BSN: variants seen among roughly 807,000 people sequenced by gnomAD.
The protein encoded by BSN is bassoon presynaptic cytomatrix protein.
Under a neutral mutation model 264.8 loss-of-function variants are expected in BSN, and 57 were observed. That is an observed-to-expected ratio of 0.22 (90% CI 0.17 to 0.27). The LOEUF (loss-of-function observed/expected upper bound fraction) is 0.27. BSN is among the 10% of genes least tolerant of loss of function. BSN has a pLI of 1.00. For synonymous variants in BSN, 2,059 were observed against 2,137.3 expected, an observed-to-expected ratio of 0.96 and a Z score of 1.01; for missense variants, 4,615 against 5,232.5, an observed-to-expected ratio of 0.88 and a Z score of 3.64.
In BSN at chr3:49,664,485, G is replaced by A. The variant is rs760457608; in HGVS notation, c.11671G>A (p.Asp3891Asn). The A allele has an allele frequency of 1.8e-5, 29 of 1,612,998 alleles. No individual in the cohort carries two copies. Among genetic ancestry groups the A allele is most frequent in the Middle Eastern group, 1.6e-4 (1 of 6,068 alleles). Residue 3891 changes from aspartate to asparagine, a missense_variant, in exon 9 of 12, where the codon GAT becomes AAT. Transcript: ENST00000296452. ...GGCTCCCGCCGGCCAGCCAGGTGCC[G>A]ATGGGGAGAGCGTGTTCTCCAAGAT... ...PGAPAGQPGADGESVFSKILP... is the reference protein window; with the variant it reads ...PGAPAGQPGANGESVFSKILP...
Position 49,657,380 on chromosome 3 carries a change from T to C in BSN, c.7824T>C (p.Ala2608=), listed in dbSNP as rs529516968. Residue 2608 remains alanine (A), a synonymous_variant, in exon 5 of 12, where the codon GCT becomes GCC. Coordinates refer to ENST00000296452, the MANE Select transcript of BSN (RefSeq NM_003458.4). ...GGCGACGCCGGGCACGGCGGAGTGC[T>C]GACTGCAGTGTGCAGACGGACGACG... The part of the protein sequence containing the change: ...LSRRRRARRS[A]DCSVQTDDED... 23 of 1,613,252 alleles carry C rather than the reference T, an allele frequency of 1.4e-5. No individual in the cohort carries two copies. In the Admixed American group the frequency reaches 3.0e-4, roughly 21 times the overall value.
At chr3:49,639,869 G>A (rs1414293928) in intron 2 of BSN, among the ~76,000 whole-genome samples, 4 of 152,234 alleles carry the variant, frequency 2.6e-5, no homozygotes, top group Non-Finnish European at 5.9e-5. Context: ...CTGTGAACAT[G>A]CCCTATGTGG....
intron 1 of BSN, 146 bp downstream of exon 1, chr3:49,554,972 G>A: frequency 2.1e-6 from 1 of 468,478 alleles, no homozygotes; most frequent in Non-Finnish European, 3.3e-6. Context: ...GAACTGGGTG[G>A]TCGCGGGAAG....
chr3:49,653,827 C>A lies in BSN; in HGVS notation c.4271C>A (p.Thr1424Asn). 2.5e-6 allele frequency: 4 copies of A among 1,614,174 alleles called. No individual in the cohort carries two copies. Among genetic ancestry groups the A allele is most frequent in the Non-Finnish European group, 3.4e-6 (4 of 1,180,038 alleles). ...STAHSYGHSP[T>N]TANYGSQTED... ...GCCCACAGCTATGGACACAGCCCAACCACTGCAAACTATGGGTCCCAAACT... is the reference window on the plus strand; with the variant it reads ...GCCCACAGCTATGGACACAGCCCAAACACTGCAAACTATGGGTCCCAAACT... Residue 1424 changes from threonine to asparagine, a missense_variant, in exon 5 of 12, where the codon ACC (threonine) becomes AAC (asparagine). By Grantham distance (65) the Thr-to-Asn change is moderately conservative. Transcript: ENST00000296452. This position sits in a 1 kb window ranked among gnomAD's most constrained non-coding sequence, Gnocchi z 6.3.
At position 49,661,391 on chromosome 3, in the gene BSN, C is replaced by T. The variant is rs1380693962; in HGVS notation, c.9546C>T (p.Gly3182=). The T allele has an allele frequency of 3.1e-6, 5 of 1,613,884 alleles. No homozygotes were observed. The highest frequency in any genetic ancestry group is 2.2e-5 in the South Asian group (2 of 91,092). Residue 3182 remains glycine, a synonymous_variant, in exon 6 of 12, where the codon GGC becomes GGT. Coordinates refer to ENST00000296452, the MANE Select transcript of BSN (RefSeq NM_003458.4). ...CCCCATCTGAAACCAGCTACAGTGG[C>T]CCAGCAGTGAGCAGCGGCTATGAGC... ...SSAPSETSYS[G]PAVSSGYEQG...
chr3:49,628,050 G>A (rs2052355590), intron 2 of BSN, among the ~76,000 whole-genome samples: 1 of 152,168 alleles, frequency 6.6e-6, no homozygotes, highest in African/African-American at 2.4e-5. Context: ...GCTTCCCAGT[G>A]GACAGAGGGA....
At chr3:49,602,654 C>T (rs2052081158) in intron 1 of BSN, among the ~76,000 whole-genome samples, 1 of 152,026 alleles carries the variant, frequency 6.6e-6, no homozygotes, top group South Asian at 2.1e-4. Context: ...CCATGTTGGC[C>T]AGGCTGGTCT....
chr3:49,656,468 G>C lies in BSN; in HGVS notation c.6912G>C (p.Gly2304=), dbSNP rs1338657769. The C allele has an allele frequency of 6.3e-7, 1 of 1,598,354 alleles. No individual in the cohort carries two copies. Among genetic ancestry groups the C allele is most frequent in the Non-Finnish European group, 8.5e-7 (1 of 1,171,064 alleles). The change falls in exon 5 of 12, where the codon GGG becomes GGC. Residue 2304 remains glycine, a synonymous_variant. Transcript: ENST00000296452. ...CTTCAAGGCCAGAGATGCCAGTAGG[G>C]GCTGCACGGGAAGAGCCTCTTCCCA... ...GGPSRPEMPV[G]AAREEPLPTT...
chr3:49,607,521 A>G (rs990301193), intron 1 of BSN, among the ~76,000 whole-genome samples: 1 of 152,206 alleles, frequency 6.6e-6, no homozygotes, highest in Non-Finnish European at 1.5e-5. Context: ...ATGCTGTCAC[A>G]TGCTCACACA....
rs749873388 is a variant in BSN at position 49,642,993 on chromosome 3, C to G, written c.1359C>G (p.Ala453=). 1.7e-5 allele frequency: 27 copies of G among 1,613,756 alleles called. No homozygotes were observed. Among genetic ancestry groups the G allele is most frequent in the Non-Finnish European group, 2.1e-5 (25 of 1,180,002 alleles). The change falls in exon 3 of 12, where the codon GCC becomes GCG. Residue 453 remains alanine, a synonymous_variant. Transcript: ENST00000296452. The surrounding 1 kb of genome is among the most constrained non-coding windows in gnomAD (Gnocchi z 7.0). ...AEHQAASKAA[A]KPKTMPKERA... ...ATCAGGCAGCATCGAAGGCTGCTGCCAAGCCAAAGACCATGCCGAAGGAAA... is the reference window on the plus strand; with the variant it reads ...ATCAGGCAGCATCGAAGGCTGCTGCGAAGCCAAAGACCATGCCGAAGGAAA...
At chr3:49,641,476 G>A (rs938906491) in intron 2 of BSN, 1 of 152,208 alleles carries the variant, frequency 6.6e-6, no homozygotes, top group African/African-American at 2.4e-5. Flanking sequence ...TAATGGCAGA[G>A]GGAAACTATG....
chr3:49,625,400 C>T lies in BSN; in HGVS notation c.633+17C>T, dbSNP rs768891385. On this transcript the variant is annotated intron_variant, in intron 2 of 11. Coordinates refer to ENST00000296452, the MANE Select transcript of BSN (RefSeq NM_003458.4). The surrounding 1 kb of genome is among the most constrained non-coding windows in gnomAD (Gnocchi z 4.4). Reference sequence around the variant, plus strand: ...CTCACCCAGGTAACCACTTCTGCGCCGGCTCCCCACTCACCTGCTACCTCA... The same window carrying T: ...CTCACCCAGGTAACCACTTCTGCGCTGGCTCCCCACTCACCTGCTACCTCA... 32 of 1,451,980 alleles carry T rather than the reference C, an allele frequency of 2.2e-5. No individual in the cohort carries two copies. The highest frequency in any genetic ancestry group is 6.1e-5 in the South Asian group (4 of 65,550). 89.9% of individuals were successfully genotyped at this position (1,451,980 alleles called of 1,614,324 possible). A position where few individuals can be genotyped will look rare whatever the true frequency, so the allele number is the denominator to read the frequency against.
chr3:49,560,438 C>CATG lies in BSN; in HGVS notation c.224+5614_224+5615insGAT, dbSNP rs2051703953. On this transcript the variant is annotated intron_variant, in intron 1 of 11. Coordinates refer to ENST00000296452, the MANE Select transcript of BSN (RefSeq NM_003458.4). ...TTATTTCTTATTCCACCTGCTTGGC[C>CATG]ATTCAGCTTCTGCAGGCCCTGCCTG... 6.6e-5 allele frequency among the ~76,000 whole-genome samples: 10 copies of CATG among 152,338 alleles called. No homozygotes were observed. The South Asian group carries it at 2.1e-3, about 32-fold the overall frequency.
At chr3:49,583,059 C>T (rs896320958) in intron 1 of BSN, among the ~76,000 whole-genome samples, 1 of 151,986 alleles carries the variant, frequency 6.6e-6, no homozygotes, top group Non-Finnish European at 1.5e-5. Flanking sequence ...GCCTCTGCCT[C>T]CCAGGTTCAA....
At chr3:49,617,853 G>C (rs2052273495) in intron 1 of BSN, among the ~76,000 whole-genome samples, 1 of 152,166 alleles carries the variant, frequency 6.6e-6, no homozygotes, top group African/African-American at 2.4e-5. Flanking sequence ...CCCCTCCCAA[G>C]CTGGACTGGT....
chr3:49,557,906 C>T (rs1378764424), intron 1 of BSN, among the ~76,000 whole-genome samples: 1 of 152,124 alleles, frequency 6.6e-6, no homozygotes, highest in South Asian at 2.1e-4. Context: ...GATATCTAGT[C>T]GATCAGCTAA....
chr3:49,605,262 A>AT (rs1267928494), intron 1 of BSN, among the ~76,000 whole-genome samples: 3 of 116,136 alleles, frequency 2.6e-5, no homozygotes, highest in Non-Finnish European at 5.0e-5. Context: ...GTCTCAAAAA[A>AT]ATATATATAT....
At chr3:49,622,270 A>G (rs1275353548) in intron 1 of BSN, among the ~76,000 whole-genome samples, 1 of 152,184 alleles carries the variant, frequency 6.6e-6, no homozygotes, top group Middle Eastern at 3.4e-3. Flanking sequence ...CAAGGAGAGG[A>G]TATAAGGAAG....
rs574683805 is a variant in BSN, at chr3:49,610,743, A to C, written c.225-14232A>C. Reference sequence around the variant, plus strand: ...CTGACTTCCCATTAGAAAGGTATTAAGGGGTCCCAGGCAGGGTTTCCCTGG... The same window carrying C: ...CTGACTTCCCATTAGAAAGGTATTACGGGGTCCCAGGCAGGGTTTCCCTGG... On this transcript the variant is annotated intron_variant, in intron 1 of 11. Coordinates refer to ENST00000296452, the MANE Select transcript of BSN (RefSeq NM_003458.4). Among the ~76,000 whole-genome samples the C allele has an allele frequency of 1.3e-3, 193 of 152,276 alleles. 1 individual carries two copies. The highest frequency in any genetic ancestry group is 4.2e-3 in the African/African-American group (176 of 41,544).
Sources: allele counts gnomAD v4.1 joint callset (sites outside exome capture counted in the v4.1 genomes callset), GRCh38; gene constraint gnomAD v4.1.1; non-coding constraint Gnocchi (gnomAD v3.1); transcripts MANE v1.5; gene names NCBI Gene and HGNC (gene_info 2026-07-23, HGNC 2026-07-21).